CELF4: variants seen among roughly 807,000 people sequenced by gnomAD.
The protein encoded by CELF4 is CUGBP Elav-like family member 4.
In CELF4, 18 loss-of-function variants were observed where a neutral mutation model predicts 59.9. That is an observed-to-expected ratio of 0.30 (90% CI 0.21 to 0.45). The LOEUF (loss-of-function observed/expected upper bound fraction) is 0.45, where lower values mean the gene tolerates loss of function less well. Among genes scored for constraint, CELF4 ranks in the 20% least tolerant of loss-of-function variants. The pLI, the probability that CELF4 is intolerant of heterozygous loss-of-function variation, is 1.00. For missense variants in CELF4, 456 were observed against 689.0 expected, an observed-to-expected ratio of 0.66 and a Z score of 3.79; for synonymous variants, 261 against 267.1, an observed-to-expected ratio of 0.98 and a Z score of 0.22.
rs377113906 is a variant in CELF4 at position 37,378,930 on chromosome 18, C to G, written c.370-57049G>C. On this transcript the variant is annotated intron_variant, in intron 2 of 12. Transcript: ENST00000420428. ...CATCTAATTTCATGGTATCAACCAG[C>G]CTTTTGTTCTCTGCAAGGCTGATAC... Among the ~76,000 whole-genome samples the G allele has an allele frequency of 3.6e-4, 55 of 152,336 alleles. No homozygotes were observed. In the East Asian group the frequency reaches 9.3e-3, roughly 26 times the overall value.
At chr18:37,565,325 C>A in intron 1 of CELF4, 31 bp downstream of exon 1, 2 of 1,467,816 alleles carry the variant, frequency 1.4e-6, no homozygotes, top group South Asian at 3.0e-5. Context: ...TCCTGCTCCC[C>A]GGCAAAGTTG....
intron 1 of CELF4, among the ~76,000 whole-genome samples, chr18:37,548,411 A>G (rs893598420): frequency 6.6e-6 from 1 of 152,212 alleles, no homozygotes; most frequent in East Asian, 1.9e-4. Context: ...AAAGGGGCAC[A>G]GTGACATCTC....
intron 2 of CELF4, among the ~76,000 whole-genome samples, chr18:37,428,080 C>CATTAAT (rs2099625311): frequency 6.6e-6 from 1 of 152,234 alleles, no homozygotes; most frequent in Admixed American, 6.5e-5. Flanking sequence ...CAGCAGCTAC[C>CATTAAT]TGTCCACTGA....
intron 9 of CELF4, 27 bp from the exon 10 acceptor site, chr18:37,264,784 G>A (rs373849073): frequency 6.5e-7 from 1 of 1,539,012 alleles, no homozygotes; most frequent in South Asian, 1.2e-5. Flanking sequence ...AGAAGCAAGA[G>A]CCGGCGACAA....
At chr18:37,483,913 A>G (rs1208164915) in intron 2 of CELF4, among the ~76,000 whole-genome samples, 1 of 152,216 alleles carries the variant, frequency 6.6e-6, no homozygotes, top group African/African-American at 2.4e-5. Flanking sequence ...TCATTTAGCT[A>G]TTCTATTATA....
chr18:37,535,819 A>G (rs1248844575), intron 1 of CELF4, among the ~76,000 whole-genome samples: 1 of 152,210 alleles, frequency 6.6e-6, no homozygotes, highest in Non-Finnish European at 1.5e-5. Flanking sequence ...CTGGCCACGC[A>G]GCGAGAGAGA....
At chr18:37,532,081 C>T (rs928847995) in intron 1 of CELF4, among the ~76,000 whole-genome samples, 1 of 152,230 alleles carries the variant, frequency 6.6e-6, no homozygotes, top group African/African-American at 2.4e-5. Flanking sequence ...CACTGGGGGT[C>T]CTCCACTGGC....
At position 37,259,259 on chromosome 18, in the gene CELF4, C is replaced by T; in HGVS notation, c.1255G>A (p.Glu419Lys). The change falls in exon 11 of 13, where the codon GAG (glutamate) becomes AAG (lysine). Residue 419 changes from glutamate (E) to lysine (K), a missense_variant. Physicochemically the swap from Glu to Lys is moderately conservative, Grantham distance 56 (BLOSUM62 1). This residue lies in a region of CELF4 where 256 missense variants were observed against 340.8 expected (regional missense o/e 0.75). Transcript: ENST00000420428. ...TGGTAGATGAACAGGTTACAGCCCT[C>T]GGGCCCTGCGGTGAGGGGAGGGGGT... ...MIPQQQREGP[E>K]GCNLFIYHLP... The T allele has an allele frequency of 1.0e-6, 1 of 998,632 alleles. No individual in the cohort carries two copies. Among genetic ancestry groups the T allele is most frequent in the Non-Finnish European group, 1.3e-6 (1 of 757,530 alleles). The allele number at this position is 998,632 out of a possible 1,614,324, so 61.9% of individuals were successfully genotyped here. A position where few individuals can be genotyped will look rare whatever the true frequency, so the allele number is the denominator to read the frequency against.
intron 2 of CELF4, among the ~76,000 whole-genome samples, chr18:37,459,201 C>T (rs568913035): frequency 1.3e-4 from 20 of 152,258 alleles, no homozygotes; most frequent in African/African-American, 3.6e-4. Flanking sequence ...TGTTTTCTTG[C>T]GCTCATAGGT....
At chr18:37,483,833 T>C (rs925710852) in intron 2 of CELF4, among the ~76,000 whole-genome samples, 3 of 152,250 alleles carry the variant, frequency 2.0e-5, no homozygotes, top group African/African-American at 7.2e-5. Flanking sequence ...ACCTTTGATA[T>C]GTGACCTTTA....
intron 2 of CELF4, among the ~76,000 whole-genome samples, chr18:37,369,336 TG>T (rs2098830070): frequency 1.3e-5 from 2 of 152,138 alleles, no homozygotes; most frequent in African/African-American, 4.8e-5. Flanking sequence ...GGTGCCTCCT[TG>T]CCCCCAATTC....
intron 2 of CELF4, among the ~76,000 whole-genome samples, chr18:37,346,115 A>T (rs2098248534): frequency 1.3e-5 from 2 of 152,224 alleles, no homozygotes; most frequent in South Asian, 2.1e-4. Flanking sequence ...AGCAGGGACC[A>T]GCCTGCAGCC....
At chr18:37,488,251 C>G (rs2099886031) in intron 1 of CELF4, among the ~76,000 whole-genome samples, 1 of 152,158 alleles carries the variant, frequency 6.6e-6, no homozygotes, top group Non-Finnish European at 1.5e-5. Flanking sequence ...TCCTGTTTCC[C>G]TTTCTGTTTG....
intron 2 of CELF4, among the ~76,000 whole-genome samples, chr18:37,386,919 ACT>A (rs957335796): frequency 3.3e-5 from 5 of 152,190 alleles, no homozygotes; most frequent in African/African-American, 7.2e-5. Flanking sequence ...ACAAGTTTGT[ACT>A]CTCTCTCAGT....
intron 2 of CELF4, among the ~76,000 whole-genome samples, chr18:37,462,837 A>G (rs1022438178): frequency 2.0e-5 from 3 of 151,094 alleles, no homozygotes; most frequent in African/African-American, 7.3e-5. Flanking sequence ...ATCAGCTATC[A>G]TTAGTGTTAG....
intron 2 of CELF4, among the ~76,000 whole-genome samples, chr18:37,463,852 C>T (rs1192761480): frequency 1.3e-5 from 2 of 152,188 alleles, no homozygotes; most frequent in East Asian, 3.9e-4. Flanking sequence ...TGTCCCCACC[C>T]AACTGAGTGT....
In CELF4 at chr18:37,549,090, T is replaced by C. The variant is rs368906523; in HGVS notation, c.286+16266A>G. On this transcript the variant is annotated intron_variant, in intron 1 of 12. Transcript: ENST00000420428. ...TCGCTCCCAGAGCTGGTCCTGATTA[T>C]CAGCAGGAAGCAGACTACCCTTCTC... 9.8e-5 allele frequency among the ~76,000 whole-genome samples: 15 copies of C among 152,332 alleles called. No homozygotes were observed. In the East Asian group the frequency reaches 2.9e-3, roughly 29 times the overall value.
chr18:37,520,018 C>G (rs998874304), intron 1 of CELF4, among the ~76,000 whole-genome samples: 18 of 152,290 alleles, frequency 1.2e-4, no homozygotes, highest in African/African-American at 4.3e-4. Context: ...CAGGACGTCA[C>G]CACCCTCTCC....
intron 3 of CELF4, among the ~76,000 whole-genome samples, chr18:37,299,857 A>C: frequency 6.7e-6 from 1 of 149,532 alleles, no homozygotes; most frequent in Non-Finnish European, 1.5e-5. Context: ...CATGGTCCCC[A>C]CCCCCATCTC....
Sources: gnomAD v4.1 joint callset for allele counts (sites outside exome capture counted in the v4.1 genomes callset) on GRCh38, gnomAD v4.1.1 for gene constraint, gnomAD v4.1.1 regional missense constraint, MANE v1.5 for transcripts, NCBI Gene and HGNC (gene_info 2026-07-23, HGNC 2026-07-21) for gene names.